Variants in ANKRD55 observed in about 807,000 individuals in gnomAD.
ANKRD55 encodes the protein ankyrin repeat domain-containing protein 55.
ANKRD55 carries 41 observed loss-of-function variants against 60.6 expected under a neutral mutation model. That is an observed-to-expected ratio of 0.68 (90% CI 0.53 to 0.88). The LOEUF is 0.88. Ranked by LOEUF, ANKRD55 falls within the 40% of genes least tolerant of loss-of-function variation. The pLI is 0.00. For synonymous variants in ANKRD55, 264 were observed against 290.3 expected (o/e 0.91, Z 0.92); for missense variants, 732 against 767.6 (o/e 0.95, Z 0.55).
intron 4 of ANKRD55, among the ~76,000 whole-genome samples, chr5:56,175,851 A>G (rs905547377): frequency 3.3e-5 from 5 of 152,114 alleles, no homozygotes; most frequent in Admixed American, 6.6e-5. Context: ...AGAAGCACCA[A>G]GTGTGTCCAG....
intron 6 of ANKRD55, among the ~76,000 whole-genome samples, chr5:56,150,002 C>T (rs1476006094): frequency 6.6e-6 from 1 of 151,968 alleles, no homozygotes; most frequent in African/African-American, 2.4e-5. Flanking sequence ...CCACCACGCC[C>T]GTTGAATTTT....
chr5:56,101,612 C>G (rs1321254942), intron 11 of ANKRD55, among the ~76,000 whole-genome samples: 1 of 152,076 alleles, frequency 6.6e-6, no homozygotes, highest in African/African-American at 2.4e-5. Flanking sequence ...CTCAGAATCT[C>G]TGGGTGGGGG....
chr5:56,140,162 A>T (rs573781437), intron 7 of ANKRD55, among the ~76,000 whole-genome samples: 1 of 152,358 alleles, frequency 6.6e-6, no homozygotes, highest in South Asian at 2.1e-4. Flanking sequence ...AATAAATGAC[A>T]ACGGGAAATA....
chr5:56,104,394 C>T (rs1756386527), intron 10 of ANKRD55, among the ~76,000 whole-genome samples: 1 of 152,160 alleles, frequency 6.6e-6, no homozygotes, highest in Admixed American at 6.6e-5. Flanking sequence ...ATTCTGCCTC[C>T]TCTAAGCAGA....
Position 56,106,420 on chromosome 5 carries a change from C to CTTTTTTTT in ANKRD55, c.1631-3842_1631-3835dup, listed in dbSNP as rs71602938. Among the ~76,000 whole-genome samples, 18 of 96,916 alleles carry CTTTTTTTT rather than the reference C, an allele frequency of 1.9e-4. 3 individuals are homozygous for CTTTTTTTT. Among genetic ancestry groups the CTTTTTTTT allele is most frequent in the African/African-American group, 7.0e-4 (12 of 17,136 alleles). The allele number at this position is 96,916 out of a possible 152,430, so 63.6% of individuals were successfully genotyped here. A position where few individuals can be genotyped will look rare whatever the true frequency, so the allele number is the denominator to read the frequency against. ...AATAAAATCCGTAAGGCTAGGAAAGCTTTTTTTTTTTTTTTTTTTTTTTGA... is the reference window on the plus strand; with the variant it reads ...AATAAAATCCGTAAGGCTAGGAAAGCTTTTTTTTTTTTTTTTTTTTTTTTTTTTTTTGA... On this transcript the variant is annotated intron_variant, in intron 10 of 11. Transcript: ENST00000341048.
intron 2 of ANKRD55, among the ~76,000 whole-genome samples, chr5:56,195,891 A>G (rs1382978110): frequency 6.6e-6 from 1 of 152,214 alleles, no homozygotes; most frequent in Non-Finnish European, 1.5e-5. Flanking sequence ...ACCTATTATC[A>G]TGGTAGTATC....
In ANKRD55 at chr5:56,111,050, C is replaced by T. The variant is rs939807564; in HGVS notation, c.1630+68G>A. Reference sequence around the variant, plus strand: ...AGGCTATTGTCACTCCAGTTCCTAGCTTAAAACTGTACGGGACATTTCCAG... The same window carrying T: ...AGGCTATTGTCACTCCAGTTCCTAGTTTAAAACTGTACGGGACATTTCCAG... On this transcript the variant is annotated intron_variant, in intron 10 of 11. Transcript: ENST00000341048. The T allele has an allele frequency of 9.1e-6, 14 of 1,534,382 alleles. No individual in the cohort carries two copies. The Admixed American group carries it at 2.6e-4, about 29-fold the overall frequency.
rs1330536073 is a variant in ANKRD55 at position 56,111,277 on chromosome 5, C to A, written c.1471G>T (p.Asp491Tyr). The change falls in exon 10 of 12, where the codon GAT (aspartate) becomes TAT (tyrosine). Residue 491 changes from aspartate (D) to tyrosine (Y), a missense_variant. Physicochemically the swap from Asp to Tyr is radical, Grantham distance 160. Coordinates refer to ENST00000341048, the MANE Select transcript of ANKRD55 (RefSeq NM_024669.3). ...NNRTGCQMLL[D>Y]NPWKSDSNQV... ...TTAGAATCACTCTTCCAGGGGTTAT[C>A]TAGTAACATCTGGCAGCCAGTTCTG... The A allele has an allele frequency of 5.0e-6, 8 of 1,614,062 alleles. No homozygotes were observed. The highest frequency in any genetic ancestry group is 5.9e-6 in the Non-Finnish European group (7 of 1,180,034).
chr5:56,123,266 A>G (rs2111709980), intron 8 of ANKRD55, among the ~76,000 whole-genome samples: 1 of 152,172 alleles, frequency 6.6e-6, no homozygotes. Flanking sequence ...TGGACAGAGA[A>G]GGGCTGGGTT....
intron 6 of ANKRD55, among the ~76,000 whole-genome samples, chr5:56,153,978 G>A (rs1352784328): frequency 1.3e-5 from 2 of 151,902 alleles, no homozygotes; most frequent in Admixed American, 6.6e-5. Flanking sequence ...TTGGGAGGCT[G>A]AGGCGGGTGG....
chr5:56,221,646 C>T (rs992551818), intron 2 of ANKRD55, among the ~76,000 whole-genome samples: 18 of 152,234 alleles, frequency 1.2e-4, no homozygotes, highest in Non-Finnish European at 2.1e-4. Context: ...TACTCACACC[C>T]TAATACTGTG....
intron 4 of ANKRD55, among the ~76,000 whole-genome samples, chr5:56,172,634 C>T (rs76084050): frequency 1.3e-5 from 2 of 152,028 alleles, no homozygotes; most frequent in African/African-American, 4.8e-5. Context: ...TATCTGAAAC[C>T]CTTGGTCAGT....
chr5:56,156,541 T>G (rs1758198901), intron 6 of ANKRD55, among the ~76,000 whole-genome samples: 1 of 152,180 alleles, frequency 6.6e-6, no homozygotes, highest in Non-Finnish European at 1.5e-5. Flanking sequence ...GGTCTATAAG[T>G]GGAATTTAGC....
At chr5:56,173,552 CTCT>C (rs1561280773) in intron 4 of ANKRD55, among the ~76,000 whole-genome samples, 4 of 78,062 alleles carry the variant, frequency 5.1e-5, no homozygotes, top group Non-Finnish European at 2.4e-5. Flanking sequence ...CTCTCTCTCT[CTCT>C]CTCTCTCTCT....
At chr5:56,166,154 C>CCTCT in intron 5 of ANKRD55, among the ~76,000 whole-genome samples, 1 of 71,512 alleles carries the variant, frequency 1.4e-5, no homozygotes, top group African/African-American at 7.3e-5. Context: ...TTCTTTCTTT[C>CCTCT]TTCTTTCCTT....
At chr5:56,162,161 T>G (rs148037397) in intron 5 of ANKRD55, 159 of 356,612 alleles carry the variant, frequency 4.5e-4, no homozygotes, top group African/African-American at 3.3e-3. Context: ...AGACAGAGAT[T>G]ATCTGTAGCC....
At chr5:56,106,419 G>GTTTTTTTTTTTTTTTTTT (rs1561248216) in intron 10 of ANKRD55, among the ~76,000 whole-genome samples, 3 of 106,870 alleles carry the variant, frequency 2.8e-5, no homozygotes, top group African/African-American at 1.6e-4. Flanking sequence ...GGCTAGGAAA[G>GTTTTTTTTTTTTTTTTTT]CTTTTTTTTT....
chr5:56,156,568 G>C (rs564806253), intron 6 of ANKRD55, among the ~76,000 whole-genome samples: 2 of 152,276 alleles, frequency 1.3e-5, no homozygotes, highest in South Asian at 4.1e-4. Context: ...GTATAAATGA[G>C]CAAATTTGTC....
chr5:56,196,658 T>C (rs1011743163), intron 2 of ANKRD55, among the ~76,000 whole-genome samples: 5 of 152,210 alleles, frequency 3.3e-5, no homozygotes, highest in Non-Finnish European at 7.3e-5. Context: ...TCCATTTTTA[T>C]TTATATGATA....
Sources: gnomAD v4.1 joint callset for allele counts (sites outside exome capture counted in the v4.1 genomes callset) on GRCh38, gnomAD v4.1.1 for gene constraint, MANE v1.5 for transcripts, NCBI Gene and HGNC (gene_info 2026-07-23, HGNC 2026-07-21) for gene names.